The following CAPN8 variants were observed in gnomAD, a reference collection of about 807,000 sequenced individuals.
The protein encoded by CAPN8 is calpain 8.
Under a neutral mutation model 80.9 loss-of-function variants are expected in CAPN8, and 87 were observed. The ratio of observed to expected loss-of-function variants is 1.07; its 90% confidence interval spans 0.90 to 1.28. The LOEUF is 1.28. Among genes scored for constraint, CAPN8 ranks in the 50% most tolerant of loss-of-function variants. The pLI is 0.00. For synonymous variants in CAPN8, 299 were observed against 273.8 expected (o/e 1.09, Z -0.91); for missense variants, 757 against 702.0 (o/e 1.08, Z -0.89).
At chr1:223,643,818 C>T (rs899587311) in intron 2 of CAPN8, among the ~76,000 whole-genome samples, 12 of 152,120 alleles carry the variant, frequency 7.9e-5, no homozygotes, top group East Asian at 3.9e-4. Flanking sequence ...AATTCAGGCC[C>T]GGTGGGGGCT....
At chr1:223,657,186 C>T (rs1658517676) in intron 1 of CAPN8, among the ~76,000 whole-genome samples, 1 of 151,998 alleles carries the variant, frequency 6.6e-6, no homozygotes, top group Non-Finnish European at 1.5e-5. Context: ...TCTCTGGCGG[C>T]AACTTAAAGA....
intron 2 of CAPN8, among the ~76,000 whole-genome samples, chr1:223,630,373 G>C (rs1657740290): frequency 6.6e-6 from 1 of 152,012 alleles, no homozygotes; most frequent in Non-Finnish European, 1.5e-5. Context: ...GTCTTGCTCT[G>C]TTGCCCAGGC....
At chr1:223,611,659 G>C (rs1657033881) in intron 11 of CAPN8, among the ~76,000 whole-genome samples, 1 of 152,170 alleles carries the variant, frequency 6.6e-6, no homozygotes, top group East Asian at 1.9e-4. Flanking sequence ...CAATTTGAGG[G>C]CTCACCTGCC....
chr1:223,618,411 A>G, intron 9 of CAPN8: 1 of 1,231,242 alleles, frequency 8.1e-7, no homozygotes, highest in East Asian at 2.6e-5. Context: ...CTGAGTCCCC[A>G]TGACACGCAT....
In CAPN8 at chr1:223,624,355, G is replaced by A. The variant is rs527587049; in HGVS notation, c.813+1450C>T. 1.4e-3 allele frequency among the ~76,000 whole-genome samples: 216 copies of A among 152,316 alleles called. 1 individual carries two copies. The highest frequency in any genetic ancestry group is 5.1e-3 in the African/African-American group (210 of 41,566). ...TTTCTCAATTATAGCACTGTCTTCA[G>A]CGTGGATTGATGTATTTTACTTAGT... On this transcript the variant is annotated intron_variant, in intron 6 of 20. Transcript: ENST00000366872.
Position 223,553,652 on chromosome 1 carries a change from T to C in CAPN8, c.1641+180A>G, listed in dbSNP as rs1304746014. ...AGCCTCAGGACCAATTCCCAAGTGATGAAGGAAAGGTACTCAATCTTAAGA... is the reference window on the plus strand; with the variant it reads ...AGCCTCAGGACCAATTCCCAAGTGACGAAGGAAAGGTACTCAATCTTAAGA... On this transcript the variant is annotated intron_variant, in intron 14 of 20. Coordinates refer to ENST00000366872, the MANE Select transcript of CAPN8 (RefSeq NM_001143962.2). Among the ~76,000 whole-genome samples the C allele has an allele frequency of 2.0e-5, 3 of 152,058 alleles. No homozygotes were observed. In the East Asian group the frequency reaches 5.8e-4, roughly 29 times the overall value.
At chr1:223,657,450 C>A (rs1369497779) in intron 1 of CAPN8, among the ~76,000 whole-genome samples, 2 of 152,128 alleles carry the variant, frequency 1.3e-5, no homozygotes, top group African/African-American at 2.4e-5. Flanking sequence ...TTGGAAGAAT[C>A]TCTTTTCTTA....
intron 2 of CAPN8, 92 bp downstream of exon 2, chr1:223,654,238 G>A (rs1013199135): frequency 2.6e-5 from 29 of 1,102,322 alleles, no homozygotes; most frequent in African/African-American, 7.9e-5. Context: ...TAATTCACTC[G>A]GTGAAGTCTC....
intron 2 of CAPN8, 81 bp downstream of exon 2, chr1:223,654,249 A>T: frequency 8.0e-7 from 1 of 1,249,844 alleles, no homozygotes; most frequent in Non-Finnish European, 1.1e-6. Context: ...GTGAAGTCTC[A>T]CAGCTTCATC....
rs57974517 is a variant in CAPN8, at chr1:223,651,596, C to T, written c.307+2734G>A. Among the ~76,000 whole-genome samples the T allele has an allele frequency of 4.9e-3, 754 of 152,334 alleles. 9 individuals carry two copies. Among genetic ancestry groups the T allele is most frequent in the African/African-American group, 0.016 (681 of 41,572 alleles). On this transcript the variant is annotated intron_variant, in intron 2 of 20. Coordinates refer to ENST00000366872, the MANE Select transcript of CAPN8 (RefSeq NM_001143962.2). ...GCCCACCCTGACAGAAGCAGCCAGA[C>T]TTTGGACGTGCTGGCAAATAGCCTA... is the stretch of plus-strand genomic sequence containing the variant.
intron 2 of CAPN8, among the ~76,000 whole-genome samples, chr1:223,644,906 T>C (rs12141998): frequency 0.055 from 8,349 of 152,274 alleles, 292 homozygotes; most frequent in Non-Finnish European, 0.07. Context: ...CAGGGTTCTC[T>C]AGAGGGACAG....
At chr1:223,630,071 C>T (rs757050018) in intron 2 of CAPN8, among the ~76,000 whole-genome samples, 1 of 152,082 alleles carries the variant, frequency 6.6e-6, no homozygotes, top group Non-Finnish European at 1.5e-5. Context: ...CTCAGAAAAC[C>T]TGTTGCCTGA....
At chr1:223,618,663 G>C (rs1366012937) in intron 9 of CAPN8, among the ~76,000 whole-genome samples, 1 of 152,242 alleles carries the variant, frequency 6.6e-6, no homozygotes, top group Admixed American at 6.5e-5. Flanking sequence ...GGGAAGAACA[G>C]GAGGCCTTAG....
chr1:223,655,268 T>C (rs1053238828), intron 1 of CAPN8, among the ~76,000 whole-genome samples: 1 of 152,154 alleles, frequency 6.6e-6, no homozygotes, highest in Admixed American at 6.5e-5. Context: ...GTACCATGTA[T>C]CCTGAGATGA....
At chr1:223,648,788 A>C (rs2102731571) in intron 2 of CAPN8, among the ~76,000 whole-genome samples, 1 of 152,378 alleles carries the variant, frequency 6.6e-6, no homozygotes, top group South Asian at 2.1e-4. Flanking sequence ...ATAGAGGTGA[A>C]GAGAAAAATC....
rs891733584 is a variant in CAPN8 at position 223,619,603 on chromosome 1, G to T, written c.975-150C>A. On this transcript the variant is annotated intron_variant, in intron 8 of 20. Transcript: ENST00000366872. ...TCCTACAGCACACTGATACAAACAC[G>T]CAGAGACAACAGTCCACATTCTTCA... The T allele has an allele frequency of 4.3e-5, 32 of 751,584 alleles. No individual in the cohort carries two copies. In the East Asian group the frequency reaches 5.4e-4, roughly 13 times the overall value. The allele number at this position is 751,584 out of a possible 1,614,324, so 46.6% of individuals were successfully genotyped here. A position where few individuals can be genotyped will look rare whatever the true frequency, so the allele number is the denominator to read the frequency against.
intron 13 of CAPN8, among the ~76,000 whole-genome samples, chr1:223,557,865 G>A (rs1322848398): frequency 6.6e-6 from 1 of 152,210 alleles, no homozygotes; most frequent in Non-Finnish European, 1.5e-5. Context: ...CACAGTGGGT[G>A]CTCTATCTGT....
At chr1:223,551,147 T>C in intron 14 of CAPN8, 130 bp from the exon 15 acceptor site, 1 of 597,298 alleles carries the variant, frequency 1.7e-6, no homozygotes, top group South Asian at 2.0e-5. Context: ...TTTGTTTTTG[T>C]TTTTTGTTTT....
At position 223,543,111 on chromosome 1, in the gene CAPN8, G is replaced by A. The variant is rs926417249; in HGVS notation, c.2085C>T (p.Ala695=). The A allele has an allele frequency of 2.9e-5, 45 of 1,551,446 alleles. No homozygotes were observed. In the Middle Eastern group the frequency reaches 1.5e-3, roughly 52 times the overall value. The part of the protein sequence containing the change: ...DKDGMVQLSL[A]EWLCCVLV ...CATCAAACCTCAGGACATTCACCTC[G>A]GCCAGAGAGAGCTGAACCATGCCAT... Residue 695 remains alanine (A), a synonymous_variant, in exon 20 of 21, where the codon GCC becomes GCT. Coordinates refer to ENST00000366872, the MANE Select transcript of CAPN8 (RefSeq NM_001143962.2).
Sources: gnomAD v4.1 joint callset for allele counts (sites outside exome capture counted in the v4.1 genomes callset) on GRCh38, gnomAD v4.1.1 for gene constraint, MANE v1.5 for transcripts, NCBI Gene and HGNC (gene_info 2026-07-23, HGNC 2026-07-21) for gene names.